The following GRM8 variants were observed in gnomAD, a reference collection of about 807,000 sequenced individuals.
The protein encoded by GRM8 is metabotropic glutamate receptor 8.
In GRM8, 47 loss-of-function variants were observed where a neutral mutation model predicts 87.2. The ratio of observed to expected loss-of-function variants is 0.54; its 90% CI spans 0.43 to 0.69. GRM8 has a LOEUF of 0.69. GRM8 is among the 30% of genes least tolerant of loss of function. The pLI, the probability that GRM8 is intolerant of heterozygous loss-of-function variation, is 0.00. For synonymous variants in GRM8, 396 were observed against 404.5 expected, an observed-to-expected ratio of 0.98 and a Z score of 0.25; for missense variants, 1,019 against 1,139.2, an observed-to-expected ratio of 0.89 and a Z score of 1.52.
At chr7:127,191,113 A>T (rs1795005997) in intron 2 of GRM8, among the ~76,000 whole-genome samples, 1 of 152,202 alleles carries the variant, frequency 6.6e-6, no homozygotes. Flanking sequence ...ACAAAATGAA[A>T]AGTATTAGAT....
chr7:126,516,048 TA>T (rs1430140467), intron 9 of GRM8, among the ~76,000 whole-genome samples: 1 of 152,068 alleles, frequency 6.6e-6, no homozygotes, highest in African/African-American at 2.4e-5. Context: ...TTTTATGCCT[TA>T]AATGTATTTG....
intron 3 of GRM8, among the ~76,000 whole-genome samples, chr7:127,092,348 G>A (rs1037547673): frequency 2.0e-5 from 3 of 152,100 alleles, no homozygotes; most frequent in African/African-American, 4.8e-5. Flanking sequence ...GGTGGGAAGA[G>A]GAGGGGATGA....
chr7:126,798,697 A>G (rs1822272757), intron 6 of GRM8, among the ~76,000 whole-genome samples: 1 of 152,156 alleles, frequency 6.6e-6, no homozygotes. Flanking sequence ...AAGACGTTTT[A>G]CTAAACTAAA....
At chr7:127,248,176 T>C (rs6954027) in intron 1 of GRM8, among the ~76,000 whole-genome samples, 38,984 of 152,144 alleles carry the variant, frequency 0.26, 5,499 homozygotes, top group Middle Eastern at 0.4. Context: ...TTTTATAATA[T>C]GTATCAGATA....
At chr7:126,581,798 C>T (rs952407379) in intron 8 of GRM8, among the ~76,000 whole-genome samples, 2 of 151,978 alleles carry the variant, frequency 1.3e-5, no homozygotes, top group Non-Finnish European at 2.9e-5. Context: ...TTTTGGTGAT[C>T]TGTGGTCCGT....
chr7:126,892,404 G>A (rs1194630912), intron 6 of GRM8, among the ~76,000 whole-genome samples: 2 of 151,996 alleles, frequency 1.3e-5, no homozygotes, highest in African/African-American at 4.8e-5. Flanking sequence ...TTTTGTTCCT[G>A]CAATAGTTTA....
rs150198532 is a variant in GRM8 at position 126,743,562 on chromosome 7, C to T, written c.1357+26303G>A. On this transcript the variant is annotated intron_variant, in intron 7 of 10. Coordinates refer to ENST00000339582, the MANE Select transcript of GRM8 (RefSeq NM_000845.3). ...GAAACATAGCCATTGCTAAACATAA[C>T]ATTTTCTCTATTTTGGTATTACTTT... Among the ~76,000 whole-genome samples the T allele has an allele frequency of 1.2e-3, 176 of 152,210 alleles. 1 individual carries two copies. Among genetic ancestry groups the T allele is most frequent in the African/African-American group, 4.0e-3 (167 of 41,552 alleles).
At chr7:127,212,908 C>T (rs1796309493) in intron 2 of GRM8, among the ~76,000 whole-genome samples, 2 of 152,186 alleles carry the variant, frequency 1.3e-5, no homozygotes, top group South Asian at 2.1e-4. Context: ...GTCAAATTTG[C>T]ATGAGGCCAA....
At chr7:127,029,193 C>T (rs539335467) in intron 3 of GRM8, among the ~76,000 whole-genome samples, 7 of 152,232 alleles carry the variant, frequency 4.6e-5, no homozygotes, top group East Asian at 1.9e-4. Flanking sequence ...GAACTGCGGT[C>T]GGACAGACAG....
chr7:127,096,428 C>T (rs1586989629), intron 3 of GRM8, among the ~76,000 whole-genome samples: 1 of 152,032 alleles, frequency 6.6e-6, no homozygotes, highest in East Asian at 1.9e-4. Context: ...GGCATGGGAG[C>T]ATGCACCTGT....
chr7:127,248,881 G>A (rs758188431), intron 1 of GRM8, among the ~76,000 whole-genome samples: 1 of 152,174 alleles, frequency 6.6e-6, no homozygotes, highest in African/African-American at 2.4e-5. Flanking sequence ...AGGAAAACTG[G>A]AAAGGACGCA....
intron 3 of GRM8, among the ~76,000 whole-genome samples, chr7:126,910,766 T>A (rs1427090241): frequency 6.6e-6 from 1 of 152,228 alleles, no homozygotes; most frequent in East Asian, 1.9e-4. Flanking sequence ...TTTACCCCTT[T>A]AGAAGGCTGA....
intron 2 of GRM8, among the ~76,000 whole-genome samples, chr7:127,179,310 C>T (rs1327700424): frequency 3.9e-5 from 6 of 152,028 alleles, no homozygotes; most frequent in Middle Eastern, 3.2e-3. Context: ...TATCACAATC[C>T]TAAACATATA....
intron 7 of GRM8, among the ~76,000 whole-genome samples, chr7:126,666,433 C>T (rs1805775944): frequency 6.6e-6 from 1 of 152,026 alleles, no homozygotes; most frequent in Non-Finnish European, 1.5e-5. Context: ...TTCCAAAGAC[C>T]AGTTGCACAA....
chr7:126,737,044 C>A (rs1814310506), intron 7 of GRM8, among the ~76,000 whole-genome samples: 1 of 152,046 alleles, frequency 6.6e-6, no homozygotes, highest in South Asian at 2.1e-4. Context: ...TGAAAACAAA[C>A]CTCCTTCCTG....
intron 2 of GRM8, among the ~76,000 whole-genome samples, chr7:127,221,705 C>T (rs1417838323): frequency 6.6e-6 from 1 of 152,238 alleles, no homozygotes; most frequent in Non-Finnish European, 1.5e-5. Context: ...TCTAACCTGA[C>T]ACTGGGGTTC....
intron 6 of GRM8, among the ~76,000 whole-genome samples, chr7:126,883,958 T>C (rs1800251919): frequency 1.3e-5 from 2 of 152,008 alleles, no homozygotes; most frequent in African/African-American, 4.8e-5. Context: ...ATGAAAGAAA[T>C]AAAATTAGAC....
chr7:126,880,618 C>T (rs1308361610), intron 6 of GRM8, among the ~76,000 whole-genome samples: 1 of 152,190 alleles, frequency 6.6e-6, no homozygotes, highest in East Asian at 1.9e-4. Flanking sequence ...AGAGCTTACA[C>T]CAATTTAAAG....
At chr7:126,877,076 T>C (rs1799584064) in intron 6 of GRM8, among the ~76,000 whole-genome samples, 3 of 152,296 alleles carry the variant, frequency 2.0e-5, no homozygotes, top group South Asian at 4.1e-4. Flanking sequence ...TTACCAAATC[T>C]AACAAATTTT....
Sources: gnomAD v4.1 joint callset for allele counts (sites outside exome capture counted in the v4.1 genomes callset) on GRCh38, gnomAD v4.1.1 for gene constraint, MANE v1.5 for transcripts, NCBI Gene and HGNC (gene_info 2026-07-23, HGNC 2026-07-21) for gene names.